The following PTPRG variants were observed in gnomAD, a reference collection of about 807,000 sequenced individuals.
PTPRG encodes protein tyrosine phosphatase receptor type G, also known as receptor-type tyrosine-protein phosphatase gamma.
In PTPRG, 102 loss-of-function variants were observed where a neutral mutation model predicts 165.3. The ratio of observed to expected loss-of-function variants is 0.62; its 90% CI spans 0.53 to 0.73. PTPRG has a LOEUF of 0.73. PTPRG is among the 30% of genes least tolerant of loss of function. The probability of loss-of-function intolerance (pLI) is 0.00; values close to 1 mark genes in which losing one functional copy is unlikely to be tolerated. For synonymous variants in PTPRG, 675 were observed against 669.5 expected (o/e 1.01, Z -0.13); for missense variants, 1,866 against 1,861.4 (o/e 1.00, Z -0.05).
At chr3:61,783,986 G>A (rs1191056990) in intron 2 of PTPRG, among the ~76,000 whole-genome samples, 1 of 152,180 alleles carries the variant, frequency 6.6e-6, no homozygotes, top group African/African-American at 2.4e-5. Flanking sequence ...GATGGGGTCA[G>A]AGGTTTGGGA....
At chr3:62,266,297 G>T (rs781587038) in intron 17 of PTPRG, among the ~76,000 whole-genome samples, 1 of 152,052 alleles carries the variant, frequency 6.6e-6, no homozygotes, top group Non-Finnish European at 1.5e-5. Flanking sequence ...AAATCAGACC[G>T]TGAATGAGCC....
At position 62,271,709 on chromosome 3, in the gene PTPRG, T is replaced by C. The variant is rs1702073295; in HGVS notation, c.3182+154T>C. Among the ~76,000 whole-genome samples the C allele has an allele frequency of 6.6e-6, 1 of 152,188 alleles. No individual in the cohort carries two copies. On this transcript the variant is annotated intron_variant, in intron 21 of 29. Transcript: ENST00000474889. The surrounding 1 kb of genome is among the most constrained non-coding windows in gnomAD (Gnocchi z 4.1). The stretch of plus-strand genomic sequence containing the variant: ...AGACCTATGATAGTCTTAAAGAGGC[T>C]CTATTCCTGTAACATTAAGAAATCA...
At chr3:61,994,098 C>G (rs1043539382) in intron 3 of PTPRG, among the ~76,000 whole-genome samples, 6 of 152,178 alleles carry the variant, frequency 3.9e-5, no homozygotes, top group Non-Finnish European at 7.4e-5. Context: ...TGTGCCAGTT[C>G]CCATTTGATT....
rs548916038 is a variant in PTPRG at position 62,229,821 on chromosome 3, G to T, written c.2289-1404G>T. 1.3e-5 allele frequency among the ~76,000 whole-genome samples: 2 copies of T among 152,180 alleles called. No individual in the cohort carries two copies. Among genetic ancestry groups the T allele is most frequent in the Non-Finnish European group, 2.9e-5 (2 of 68,038 alleles). ...CAGTTTACGGGTGGTAGTTTTAAGC[G>T]CCTGTGATTGTGTGTGAGGAAAAAC... is the stretch of plus-strand genomic sequence containing the variant. On this transcript the variant is annotated intron_variant, in intron 13 of 29. Coordinates refer to ENST00000474889, the MANE Select transcript of PTPRG (RefSeq NM_002841.4). This position sits in a 1 kb window ranked among gnomAD's most constrained non-coding sequence, Gnocchi z 4.6.
chr3:62,285,893 T>C (rs1437937024), intron 28 of PTPRG, among the ~76,000 whole-genome samples: 1 of 152,158 alleles, frequency 6.6e-6, no homozygotes, highest in Non-Finnish European at 1.5e-5. Flanking sequence ...TGGAGATACA[T>C]GTATCACCCT....
intron 2 of PTPRG, among the ~76,000 whole-genome samples, chr3:61,967,427 C>T (rs1029508): frequency 0.2 from 30,221 of 152,088 alleles, 3,342 homozygotes; most frequent in East Asian, 0.45. Flanking sequence ...CCTTAATCTC[C>T]ATTCTACTTG....
chr3:62,002,297 G>T (rs2041189242), intron 3 of PTPRG, among the ~76,000 whole-genome samples: 1 of 152,102 alleles, frequency 6.6e-6, no homozygotes, highest in African/African-American at 2.4e-5. Context: ...ATCTCTTTAG[G>T]AAGAGGAGAC....
intron 2 of PTPRG, among the ~76,000 whole-genome samples, chr3:61,908,411 CAAAAAAAAAAAAA>C (rs776421819): frequency 1.7e-5 from 1 of 57,756 alleles, no homozygotes; most frequent in Non-Finnish European, 3.7e-5. Flanking sequence ...GGCAACAGAG[CAAAAAAAAAAAAA>C]AAAAAAAAAA....
intron 16 of PTPRG, among the ~76,000 whole-genome samples, chr3:62,258,197 C>A (rs1701592671): frequency 6.6e-6 from 1 of 152,106 alleles, no homozygotes; most frequent in Non-Finnish European, 1.5e-5. Context: ...TTATAAAAAT[C>A]TTATCCAACA....
chr3:61,568,441 T>C (rs956827370), intron 1 of PTPRG, among the ~76,000 whole-genome samples: 1 of 152,212 alleles, frequency 6.6e-6, no homozygotes, highest in Non-Finnish European at 1.5e-5. Context: ...GCTTCTTGAG[T>C]GATTGTCCCC....
intron 2 of PTPRG, among the ~76,000 whole-genome samples, chr3:61,890,439 AGGGTCAGGTTTTTTCAATTTTC>A (rs2038181706): frequency 1.3e-5 from 1 of 75,310 alleles, no homozygotes; most frequent in African/African-American, 7.0e-5. Flanking sequence ...TTTTTTTTTT[AGGGTCAGGTTTTTTCAATTTTC>A]CTTTCAGGTC....
At chr3:61,658,269 A>G (rs1702563602) in intron 1 of PTPRG, among the ~76,000 whole-genome samples, 1 of 152,164 alleles carries the variant, frequency 6.6e-6, no homozygotes, top group African/African-American at 2.4e-5. Flanking sequence ...GACTGGTCAC[A>G]CTGCAGCTGG....
intron 2 of PTPRG, among the ~76,000 whole-genome samples, chr3:61,988,092 A>G (rs1216757446): frequency 6.6e-6 from 1 of 152,132 alleles, no homozygotes; most frequent in Non-Finnish European, 1.5e-5. Flanking sequence ...AATGACTTAA[A>G]AGTGCCCCAA....
intron 4 of PTPRG, among the ~76,000 whole-genome samples, chr3:62,057,394 A>G (rs1700667912): frequency 2.6e-5 from 4 of 152,180 alleles, no homozygotes; most frequent in African/African-American, 9.7e-5. Flanking sequence ...TTATTTCAAA[A>G]GAAGTGCTTT....
intron 1 of PTPRG, among the ~76,000 whole-genome samples, chr3:61,588,132 T>C (rs1700479684): frequency 6.6e-6 from 1 of 152,150 alleles, no homozygotes; most frequent in Admixed American, 6.5e-5. Flanking sequence ...TCCCTCACTT[T>C]GGATTTGTGT....
intron 2 of PTPRG, among the ~76,000 whole-genome samples, chr3:61,987,865 A>G (rs565974187): frequency 1.3e-5 from 2 of 151,996 alleles, no homozygotes; most frequent in African/African-American, 4.8e-5. Context: ...TTTTTTCTCC[A>G]AATATGTAGA....
chr3:61,891,250 G>A (rs1360613298), intron 2 of PTPRG, among the ~76,000 whole-genome samples: 4 of 151,980 alleles, frequency 2.6e-5, no homozygotes, highest in South Asian at 2.1e-4. Flanking sequence ...TCAGGGAGGC[G>A]TACCATTGCA....
chr3:61,711,757 G>C (rs931212647), intron 1 of PTPRG, among the ~76,000 whole-genome samples: 1 of 152,118 alleles, frequency 6.6e-6, no homozygotes, highest in Admixed American at 6.6e-5. Context: ...CTCTTTACTT[G>C]CGTATCATTC....
intron 5 of PTPRG, among the ~76,000 whole-genome samples, chr3:62,103,317 T>G (rs1188495532): frequency 8.0e-6 from 1 of 125,508 alleles, no homozygotes; most frequent in Admixed American, 7.7e-5. Context: ...AAGGTCTTAA[T>G]GAAATACTCT....
Sources: gnomAD v4.1 joint callset for allele counts (sites outside exome capture counted in the v4.1 genomes callset) on GRCh38, gnomAD v4.1.1 for gene constraint, Gnocchi (gnomAD v3.1) non-coding constraint, MANE v1.5 for transcripts, NCBI Gene and HGNC (gene_info 2026-07-23, HGNC 2026-07-21) for gene names.